TAFA1: variants seen among roughly 807,000 people sequenced by gnomAD.
The protein encoded by TAFA1 is chemokine-like protein TAFA-1.
TAFA1 carries 4 observed loss-of-function variants against 18.5 expected under a neutral mutation model. The observed-to-expected ratio is 0.22, with a 90% confidence interval of 0.11 to 0.49. The LOEUF is 0.49. TAFA1 is among the 20% of genes least tolerant of loss of function. The pLI, the probability that TAFA1 is intolerant of heterozygous loss-of-function variation, is 0.98. For synonymous variants in TAFA1, 56 were observed against 55.2 expected (o/e 1.01, Z -0.06); for missense variants, 147 against 169.0 (o/e 0.87, Z 0.72).
rs754403254 is a variant in TAFA1 at position 68,321,958 on chromosome 3, A to G, written c.119-95322A>G. ...TCCACCTTAAAAGAAGTTCCCATGC[A>G]TTTCAGCGCTATCCATTCCCAAAGA... On this transcript the variant is annotated intron_variant, in intron 2 of 4. Coordinates refer to ENST00000478136, the MANE Select transcript of TAFA1 (RefSeq NM_213609.4). Among the ~76,000 whole-genome samples the G allele has an allele frequency of 7.9e-4, 120 of 152,204 alleles. 2 individuals are homozygous for G. Among genetic ancestry groups the G allele is most frequent in the Admixed American group, 1.3e-4 (2 of 15,280 alleles).
chr3:68,458,169 G>C (rs912842376), intron 3 of TAFA1, among the ~76,000 whole-genome samples: 1 of 152,080 alleles, frequency 6.6e-6, no homozygotes, highest in Non-Finnish European at 1.5e-5. Context: ...AGATCTGGTT[G>C]TTTAAAAGTA....
At chr3:68,072,444 G>C (rs977478537) in intron 2 of TAFA1, among the ~76,000 whole-genome samples, 8 of 152,296 alleles carry the variant, frequency 5.3e-5, no homozygotes, top group Non-Finnish European at 1.0e-4. Context: ...GTTGTTTCCA[G>C]GGTAGAAATG....
At chr3:68,207,556 G>A (rs1188696604) in intron 2 of TAFA1, among the ~76,000 whole-genome samples, 2 of 151,764 alleles carry the variant, frequency 1.3e-5, no homozygotes, top group Non-Finnish European at 2.9e-5. Flanking sequence ...AAACTCTGAG[G>A]GTAAGTCTAG....
intron 2 of TAFA1, among the ~76,000 whole-genome samples, chr3:68,373,067 A>G (rs953151236): frequency 6.6e-6 from 1 of 152,212 alleles, no homozygotes; most frequent in African/African-American, 2.4e-5. Context: ...CATCAGGAAG[A>G]CATAGATACT....
intron 3 of TAFA1, among the ~76,000 whole-genome samples, chr3:68,470,892 G>A (rs2071984186): frequency 6.6e-6 from 1 of 152,188 alleles, no homozygotes; most frequent in African/African-American, 2.4e-5. Context: ...AGGGGAAAAT[G>A]TCTCCAGGTC....
At chr3:68,476,466 G>A (rs977669654) in intron 3 of TAFA1, among the ~76,000 whole-genome samples, 8 of 152,166 alleles carry the variant, frequency 5.3e-5, no homozygotes, top group African/African-American at 1.7e-4. Flanking sequence ...TTTTACAAAC[G>A]TGTGAAGAAT....
intron 2 of TAFA1, among the ~76,000 whole-genome samples, chr3:68,040,749 T>C (rs1463484113): frequency 1.3e-5 from 2 of 152,200 alleles, no homozygotes; most frequent in Non-Finnish European, 2.9e-5. Context: ...CCCAGCAATC[T>C]GTTTAAAAAA....
intron 2 of TAFA1, among the ~76,000 whole-genome samples, chr3:68,349,907 A>T (rs1429424124): frequency 6.6e-6 from 1 of 152,074 alleles, no homozygotes; most frequent in South Asian, 2.1e-4. Context: ...AATTAACAAC[A>T]GTTCTTTTTT....
Position 68,119,538 on chromosome 3 carries a change from T to A in TAFA1, c.118+112794T>A, listed in dbSNP as rs76716994. Among the ~76,000 whole-genome samples, 1,090 of 151,944 alleles carry A rather than the reference T, an allele frequency of 7.2e-3. 9 individuals are homozygous for A. The highest frequency in any genetic ancestry group is 0.025 in the African/African-American group (1,038 of 41,472). On this transcript the variant is annotated intron_variant, in intron 2 of 4. Coordinates refer to ENST00000478136, the MANE Select transcript of TAFA1 (RefSeq NM_213609.4). ...GGTCTTTGATCCACTTTTAATTAAT[T>A]TTTGTATATGGTATATGGTAAGTGT...
At chr3:68,413,627 G>T (rs2106786275) in intron 2 of TAFA1, among the ~76,000 whole-genome samples, 1 of 152,180 alleles carries the variant, frequency 6.6e-6, no homozygotes, top group Admixed American at 6.5e-5. Context: ...GTGAGACATT[G>T]TTGAATACAT....
chr3:68,078,943 T>G (rs988505753), intron 2 of TAFA1, among the ~76,000 whole-genome samples: 47 of 152,150 alleles, frequency 3.1e-4, no homozygotes, highest in African/African-American at 1.0e-3. Flanking sequence ...TCTGGTCCTG[T>G]ACTCTTTTTG....
chr3:68,387,201 T>C (rs542818415), intron 2 of TAFA1, among the ~76,000 whole-genome samples: 2 of 152,264 alleles, frequency 1.3e-5, no homozygotes, highest in Non-Finnish European at 2.9e-5. Flanking sequence ...CTAAAAGTTC[T>C]GGTGACTATA....
At chr3:68,141,315 G>T (rs1449378882) in intron 2 of TAFA1, among the ~76,000 whole-genome samples, 1 of 152,084 alleles carries the variant, frequency 6.6e-6, no homozygotes, top group Non-Finnish European at 1.5e-5. Flanking sequence ...TCTCCTTTCA[G>T]CCCAGCTATA....
At chr3:68,028,306 C>CAAACAAAACA (rs376127652) in intron 2 of TAFA1, among the ~76,000 whole-genome samples, 1 of 151,582 alleles carries the variant, frequency 6.6e-6, no homozygotes. Context: ...TCTCAAAAAA[C>CAAACAAAACA]AAACAAAACA....
At chr3:68,531,135 T>C (rs1174711420) in intron 3 of TAFA1, among the ~76,000 whole-genome samples, 1 of 152,178 alleles carries the variant, frequency 6.6e-6, no homozygotes, top group Non-Finnish European at 1.5e-5. Context: ...GAAAGTTACT[T>C]AGTCTCTCCG....
intron 2 of TAFA1, among the ~76,000 whole-genome samples, chr3:68,389,740 C>T (rs2070185700): frequency 6.6e-6 from 1 of 152,002 alleles, no homozygotes; most frequent in South Asian, 2.1e-4. Context: ...GGTGTTACCC[C>T]ACCCAGGAAG....
chr3:68,059,464 A>G (rs1273304797), intron 2 of TAFA1, among the ~76,000 whole-genome samples: 4 of 152,206 alleles, frequency 2.6e-5, no homozygotes, highest in African/African-American at 9.6e-5. Context: ...CAGGCTGCAC[A>G]GCCTATATTC....
chr3:68,441,753 C>A (rs2071386426), intron 3 of TAFA1, among the ~76,000 whole-genome samples: 1 of 152,138 alleles, frequency 6.6e-6, no homozygotes, highest in African/African-American at 2.4e-5. Flanking sequence ...GAGGAGTTCC[C>A]TATGATCAGT....
At chr3:68,303,712 G>A (rs1004927028) in intron 2 of TAFA1, among the ~76,000 whole-genome samples, 1 of 152,080 alleles carries the variant, frequency 6.6e-6, no homozygotes, top group Non-Finnish European at 1.5e-5. Context: ...GCCTCCCAAA[G>A]TGCTGGGATT....
Sources: allele counts gnomAD v4.1 joint callset (sites outside exome capture counted in the v4.1 genomes callset), GRCh38; gene constraint gnomAD v4.1.1; transcripts MANE v1.5; gene names NCBI Gene and HGNC (gene_info 2026-07-23, HGNC 2026-07-21).